Variants in EGFR observed in about 807,000 individuals in gnomAD.
The protein encoded by EGFR is epidermal growth factor receptor, also known as avian erythroblastic leukemia viral (v-erb-b) oncogene homolog.
Under a neutral mutation model 143.0 loss-of-function variants are expected in EGFR, and 58 were observed. The observed-to-expected ratio is 0.41, with a 90% CI of 0.33 to 0.50. EGFR has a LOEUF of 0.50. Ranked by LOEUF, EGFR falls within the 20% of genes least tolerant of loss-of-function variation. The probability of loss-of-function intolerance (pLI) is 0.39; values close to 1 mark genes in which losing one functional copy is unlikely to be tolerated. For synonymous variants in EGFR, 613 were observed against 594.4 expected, an observed-to-expected ratio of 1.03 and a Z score of -0.45; for missense variants, 1,307 against 1,579.0, an observed-to-expected ratio of 0.83 and a Z score of 2.92.
intron 1 of EGFR, among the ~76,000 whole-genome samples, chr7:55,077,289 A>C (rs1212058391): frequency 2.6e-5 from 4 of 152,208 alleles, no homozygotes; most frequent in Admixed American, 2.0e-4. Flanking sequence ...CCTCAAGCAC[A>C]CAGAAAAATT....
chr7:55,027,991 A>AAAATATAT (rs1554311534), intron 1 of EGFR, among the ~76,000 whole-genome samples: 13 of 54,988 alleles, frequency 2.4e-4, no homozygotes, highest in South Asian at 8.6e-4. Flanking sequence ...AAAAAAAAAA[A>AAAATATAT]ATATATATAT....
chr7:55,055,018 C>T (rs1788722167), intron 1 of EGFR, among the ~76,000 whole-genome samples: 1 of 152,214 alleles, frequency 6.6e-6, no homozygotes, highest in African/African-American at 2.4e-5. Context: ...GCACCTGAGT[C>T]ACACATCTGG....
intron 1 of EGFR, among the ~76,000 whole-genome samples, chr7:55,058,456 C>T (rs1057386325): frequency 2.6e-5 from 4 of 151,590 alleles, no homozygotes; most frequent in African/African-American, 9.7e-5. Context: ...TGGAATCAAC[C>T]TAAATGCCCA....
intron 22 of EGFR, 138 bp from the exon 23 acceptor site, chr7:55,198,579 G>T (rs536550162): frequency 7.5e-7 from 1 of 1,341,286 alleles, no homozygotes; most frequent in East Asian, 2.3e-5. Context: ...TTCCAGCATT[G>T]AAGCAAATTG....
rs17289211 is a variant in EGFR, at chr7:55,076,446, A to G, written c.88+57081A>G. Among the ~76,000 whole-genome samples, 766 of 152,330 alleles carry G rather than the reference A, an allele frequency of 5.0e-3. 6 individuals are homozygous for G. Among genetic ancestry groups the G allele is most frequent in the African/African-American group, 0.018 (741 of 41,580 alleles). On this transcript the variant is annotated intron_variant, in intron 1 of 27. Transcript: ENST00000275493. ...CCTGATAAGCACTGTTAGGCATATT[A>G]ACTTTAATGATTACAATTTTTAGGA... is the stretch of plus-strand genomic sequence containing the variant.
At chr7:55,076,145 T>C (rs17289197) in intron 1 of EGFR, among the ~76,000 whole-genome samples, 1,556 of 152,348 alleles carry the variant, frequency 0.01, 32 homozygotes, top group African/African-American at 0.036. Flanking sequence ...TGTACAAGCT[T>C]GAGATGTATT....
chr7:55,076,087 C>T (rs1790118383), intron 1 of EGFR, among the ~76,000 whole-genome samples: 1 of 152,188 alleles, frequency 6.6e-6, no homozygotes, highest in African/African-American at 2.4e-5. Context: ...ATTAAAGCAT[C>T]TCTTTGGGAT....
chr7:55,053,185 C>T (rs1176301165), intron 1 of EGFR, among the ~76,000 whole-genome samples: 1 of 152,144 alleles, frequency 6.6e-6, no homozygotes, highest in Non-Finnish European at 1.5e-5. Flanking sequence ...TTAATTATTA[C>T]TAGTTTAATG....
At chr7:55,169,258 G>A (rs534996137) in intron 15 of EGFR, among the ~76,000 whole-genome samples, 3 of 152,048 alleles carry the variant, frequency 2.0e-5, no homozygotes, top group South Asian at 2.1e-4. Flanking sequence ...CTGCCACCAC[G>A]CCTGGCTAAT....
At chr7:55,041,425 T>G (rs992511749) in intron 1 of EGFR, among the ~76,000 whole-genome samples, 4 of 150,804 alleles carry the variant, frequency 2.7e-5, no homozygotes, top group African/African-American at 9.7e-5. Flanking sequence ...AAAAAAGAAG[T>G]AAGAAGTTTT....
chr7:55,151,246 T>A (rs1243528987), intron 4 of EGFR, 48 bp from the exon 5 acceptor site: 2 of 1,585,802 alleles, frequency 1.3e-6, no homozygotes, highest in East Asian at 2.2e-5. Context: ...GCGTCATCAG[T>A]TTCTCATCAT....
intron 20 of EGFR, chr7:55,181,829 T>C (rs1003958984): frequency 1.4e-5 from 5 of 357,422 alleles, no homozygotes; most frequent in Non-Finnish European, 2.7e-5. Flanking sequence ...ATTCAGGACT[T>C]GATAACAAGG....
chr7:55,190,233 G>T (rs531092531), intron 20 of EGFR, among the ~76,000 whole-genome samples: 11 of 152,262 alleles, frequency 7.2e-5, no homozygotes, highest in African/African-American at 2.6e-4. Flanking sequence ...AGGCAGGGAA[G>T]CACTAACGTC....
intron 22 of EGFR, among the ~76,000 whole-genome samples, chr7:55,194,984 C>T (rs1161758419): frequency 6.6e-6 from 1 of 152,144 alleles, no homozygotes; most frequent in African/African-American, 2.4e-5. Context: ...TACCAAGGAG[C>T]TAAAAAGAGA....
chr7:55,061,373 A>G (rs1348043703), intron 1 of EGFR, among the ~76,000 whole-genome samples: 2 of 152,152 alleles, frequency 1.3e-5, no homozygotes, highest in East Asian at 1.9e-4. Flanking sequence ...GCTGCTTCCA[A>G]TTAGCCCCCA....
At chr7:55,059,398 G>C (rs929533892) in intron 1 of EGFR, among the ~76,000 whole-genome samples, 1 of 152,144 alleles carries the variant, frequency 6.6e-6, no homozygotes, top group Non-Finnish European at 1.5e-5. Context: ...GGTCCCTGCA[G>C]GTTTCCCCTA....
intron 1 of EGFR, among the ~76,000 whole-genome samples, chr7:55,130,768 T>C (rs1352876146): frequency 6.6e-6 from 1 of 152,082 alleles, no homozygotes; most frequent in Non-Finnish European, 1.5e-5. Context: ...GCATGCTGGG[T>C]TCCCTGAAGG....
At chr7:55,150,737 T>G (rs903116185) in intron 4 of EGFR, among the ~76,000 whole-genome samples, 1 of 152,236 alleles carries the variant, frequency 6.6e-6, no homozygotes, top group Non-Finnish European at 1.5e-5. Flanking sequence ...ATTGACCAGA[T>G]AGCTAAGGTT....
intron 20 of EGFR, among the ~76,000 whole-genome samples, chr7:55,186,953 C>T (rs1322259758): frequency 6.6e-6 from 1 of 152,220 alleles, no homozygotes; most frequent in Non-Finnish European, 1.5e-5. Flanking sequence ...GATGGCCCCT[C>T]ACCCTCCAGA....
Sources: allele counts gnomAD v4.1 joint callset (sites outside exome capture counted in the v4.1 genomes callset), GRCh38; gene constraint gnomAD v4.1.1; transcripts MANE v1.5; gene names NCBI Gene and HGNC (gene_info 2026-07-23, HGNC 2026-07-21).